SEPTIN9: variants seen among roughly 807,000 people sequenced by gnomAD.
The protein encoded by SEPTIN9 is septin 9.
In SEPTIN9, 13 loss-of-function variants were observed where a neutral mutation model predicts 56.6. The observed-to-expected ratio is 0.23, with a 90% CI of 0.15 to 0.37. The LOEUF is 0.37. Ranked by LOEUF, SEPTIN9 falls within the 10% of genes least tolerant of loss-of-function variation. The pLI is 1.00. For synonymous variants in SEPTIN9, 332 were observed against 334.1 expected, an observed-to-expected ratio of 0.99 and a Z score of 0.07; for missense variants, 650 against 823.1, an observed-to-expected ratio of 0.79 and a Z score of 2.57.
chr17:77,453,021 C>T lies in SEPTIN9; in HGVS notation c.722-29123C>T, dbSNP rs2038045467. On this transcript the variant is annotated intron_variant, in intron 3 of 11. Transcript: ENST00000427177. The surrounding 1 kb of genome is among the most constrained non-coding windows in gnomAD (Gnocchi z 4.4). ...TGAGTTGCTGCTGACTCCCAGCTTG[C>T]CCCTTCTGTCCCCTGGCCATTTCTG... is the stretch of plus-strand genomic sequence containing the variant. Among the ~76,000 whole-genome samples the T allele has an allele frequency of 6.6e-6, 1 of 151,674 alleles. No homozygotes were observed. The highest frequency in any genetic ancestry group is 2.4e-5 in the African/African-American group (1 of 41,222).
intron 3 of SEPTIN9, chr17:77,469,434 G>C (rs1022671709): frequency 6.6e-6 from 1 of 152,288 alleles, no homozygotes; most frequent in African/African-American, 2.4e-5. Flanking sequence ...CAGAGGATTG[G>C]TGGCTCCATC....
intron 1 of SEPTIN9, among the ~76,000 whole-genome samples, chr17:77,300,345 CTT>C (rs1567981420): frequency 8.0e-5 from 4 of 50,256 alleles, no homozygotes; most frequent in Non-Finnish European, 2.0e-4. Flanking sequence ...AATAAATTGA[CTT>C]TGATCCACAG....
rs1047986628 is a variant in SEPTIN9, at chr17:77,437,664, G to C, written c.721+34961G>C. 6.6e-5 allele frequency among the ~76,000 whole-genome samples: 10 copies of C among 152,156 alleles called. No homozygotes were observed. Among genetic ancestry groups the C allele is most frequent in the African/African-American group, 1.7e-4 (7 of 41,434 alleles). On this transcript the variant is annotated intron_variant, in intron 3 of 11. Coordinates refer to ENST00000427177, the MANE Select transcript of SEPTIN9 (RefSeq NM_001113491.2). This position sits in a 1 kb window ranked among gnomAD's most constrained non-coding sequence, Gnocchi z 5.3. Reference sequence around the variant, plus strand: ...ATCGCCAGTGGCCCTGGCCTGCCCAGTCATCCTTCTGGGGTGGCCAAACTC... The same window carrying C: ...ATCGCCAGTGGCCCTGGCCTGCCCACTCATCCTTCTGGGGTGGCCAAACTC...
At chr17:77,439,143 A>G in intron 3 of SEPTIN9, among the ~76,000 whole-genome samples, 1 of 152,204 alleles carries the variant, frequency 6.6e-6, no homozygotes, top group East Asian at 1.9e-4. Context: ...AGGGTCATGC[A>G]GAGTCATGCT....
At chr17:77,385,514 C>T (rs1024938338) in intron 2 of SEPTIN9, among the ~76,000 whole-genome samples, 5 of 151,970 alleles carry the variant, frequency 3.3e-5, no homozygotes, top group Non-Finnish European at 5.9e-5. Context: ...CCACTGCGCC[C>T]GGCCATGGGA....
intron 3 of SEPTIN9, among the ~76,000 whole-genome samples, chr17:77,443,590 T>A (rs936408995): frequency 1.3e-5 from 2 of 151,916 alleles, no homozygotes; most frequent in Admixed American, 6.6e-5. Flanking sequence ...GCCAGGAGTT[T>A]GAGACCAGCC....
rs780093840 is a variant in SEPTIN9 at position 77,390,346 on chromosome 17, T to C, written c.77-11713T>C. On this transcript the variant is annotated intron_variant, in intron 2 of 11. Transcript: ENST00000427177. ...TGGGCGACAGAGCAAGACTCCGTCTTAAAAAAAAAAAAAAAAAAAAGGAGT... is the reference window on the plus strand; with the variant it reads ...TGGGCGACAGAGCAAGACTCCGTCTCAAAAAAAAAAAAAAAAAAAAGGAGT... Among the ~76,000 whole-genome samples the C allele has an allele frequency of 3.7e-3, 331 of 90,318 alleles. 3 individuals carry two copies. Among genetic ancestry groups the C allele is most frequent in the African/African-American group, 0.015 (317 of 21,482 alleles). The allele number at this position is 90,318 out of a possible 152,430, so 59.3% of individuals were successfully genotyped here. A position where few individuals can be genotyped will look rare whatever the true frequency, so the allele number is the denominator to read the frequency against.
At chr17:77,335,747 G>A (rs2033526606) in intron 2 of SEPTIN9, among the ~76,000 whole-genome samples, 1 of 20,604 alleles carries the variant, frequency 4.9e-5, no homozygotes, top group South Asian at 1.8e-3. Flanking sequence ...TGTATATGTG[G>A]TCCTGTATTA....
At chr17:77,294,240 G>A (rs1166496131) in intron 1 of SEPTIN9, among the ~76,000 whole-genome samples, 1 of 152,062 alleles carries the variant, frequency 6.6e-6, no homozygotes, top group Non-Finnish European at 1.5e-5. Context: ...TCAACATGGT[G>A]AAACCCCATC....
In SEPTIN9 at chr17:77,498,669, G is replaced by GCCCCCCCCCCGGGT; in HGVS notation, c.*14_*15insCCCCCCCGGGTCCC. On this transcript the variant is annotated 3_prime_UTR_variant, in exon 12 of 12. Coordinates refer to ENST00000427177, the MANE Select transcript of SEPTIN9 (RefSeq NM_001113491.2). ...GCCCCGGAGATGTAGACGCCACCCT[G>GCCCCCCCCCCGGGT]CCCACCCCCGGGATCCTGCCCCCAA... 1.3e-6 allele frequency: 2 copies of GCCCCCCCCCCGGGT among 1,550,292 alleles called. No homozygotes were observed. Among genetic ancestry groups the GCCCCCCCCCCGGGT allele is most frequent in the Non-Finnish European group, 1.7e-6 (2 of 1,149,424 alleles).
At chr17:77,384,817 C>T (rs2035275028) in intron 2 of SEPTIN9, among the ~76,000 whole-genome samples, 1 of 150,334 alleles carries the variant, frequency 6.7e-6, no homozygotes. Flanking sequence ...AAGCACCCAA[C>T]ATCATCACTG....
chr17:77,305,667 C>A (rs1218195848), intron 1 of SEPTIN9, among the ~76,000 whole-genome samples: 1 of 151,758 alleles, frequency 6.6e-6, no homozygotes, highest in Non-Finnish European at 1.5e-5. Flanking sequence ...GGTACCCTGT[C>A]AATACTAGTT....
At chr17:77,376,471 GC>G in intron 2 of SEPTIN9, 1 of 904,448 alleles carries the variant, frequency 1.1e-6, no homozygotes, top group Non-Finnish European at 1.3e-6. Context: ...GGTTCCTGAG[GC>G]CAGCGGATGT....
chr17:77,493,804 G>A (rs900367780), intron 10 of SEPTIN9, among the ~76,000 whole-genome samples: 3 of 126,052 alleles, frequency 2.4e-5, no homozygotes, highest in Non-Finnish European at 4.7e-5. Flanking sequence ...ACGGAGTCTC[G>A]TTCTGTCACC....
chr17:77,357,216 C>T (rs1434643111), intron 2 of SEPTIN9, among the ~76,000 whole-genome samples: 4 of 152,220 alleles, frequency 2.6e-5, no homozygotes, highest in East Asian at 1.9e-4. Flanking sequence ...AAGACACATG[C>T]GCTCATTAAA....
intron 2 of SEPTIN9, among the ~76,000 whole-genome samples, chr17:77,378,041 G>A (rs75472307): frequency 1.3e-5 from 2 of 152,262 alleles, no homozygotes; most frequent in Non-Finnish European, 2.9e-5. Context: ...TCATTTAGAG[G>A]GGGGCGGACA....
At chr17:77,324,156 G>A (rs893513239) in intron 2 of SEPTIN9, among the ~76,000 whole-genome samples, 3 of 152,106 alleles carry the variant, frequency 2.0e-5, no homozygotes, top group African/African-American at 7.2e-5. Flanking sequence ...ATCTCCCCCT[G>A]TCTGTCTCTC....
At chr17:77,497,724 A>G (rs369788894) in intron 11 of SEPTIN9, 1 of 396,110 alleles carries the variant, frequency 2.5e-6, no homozygotes, top group Non-Finnish European at 4.8e-6. Flanking sequence ...CTCCGATCCC[A>G]CTGGCCTCTG....
At chr17:77,444,194 AG>A (rs1195218057) in intron 3 of SEPTIN9, among the ~76,000 whole-genome samples, 1 of 152,222 alleles carries the variant, frequency 6.6e-6, no homozygotes, top group African/African-American at 2.4e-5. Context: ...GCCAGATTGC[AG>A]GGGTCCTCGA....
Sources: gnomAD v4.1 joint callset for allele counts (sites outside exome capture counted in the v4.1 genomes callset) on GRCh38, gnomAD v4.1.1 for gene constraint, Gnocchi (gnomAD v3.1) non-coding constraint, MANE v1.5 for transcripts, NCBI Gene and HGNC (gene_info 2026-07-23, HGNC 2026-07-21) for gene names.